Variants in SGCD observed in about 807,000 individuals in gnomAD.
SGCD encodes sarcoglycan delta, also known as delta-sarcoglycan.
A neutral mutation model predicts 36.6 loss-of-function variants in SGCD; 18 were observed. That is an observed-to-expected ratio of 0.49 (90% CI 0.34 to 0.73). The LOEUF is 0.73. SGCD is among the 30% of genes least tolerant of loss of function. The pLI is 0.01. For synonymous variants in SGCD, 133 were observed against 130.6 expected, an observed-to-expected ratio of 1.02 and a Z score of -0.12; for missense variants, 387 against 346.7, an observed-to-expected ratio of 1.12 and a Z score of -0.92.
chr5:155,892,592 A>G (rs543435101), intron 1 of SGCD, among the ~76,000 whole-genome samples: 159 of 152,026 alleles, frequency 1.0e-3, no homozygotes, highest in African/African-American at 3.7e-3. Flanking sequence ...TGCAGATCTT[A>G]TAGTACTTCA....
chr5:156,239,399 CAAAAAAA>C (rs34839655), intron 3 of SGCD, among the ~76,000 whole-genome samples: 1 of 72,626 alleles, frequency 1.4e-5, no homozygotes, highest in South Asian at 5.7e-4. Context: ...GATTTCATCT[CAAAAAAA>C]AAAAAAAAAA....
At chr5:155,744,374 C>T in the SGCD span, among the ~76,000 whole-genome samples, 1 of 152,030 alleles carries the variant, frequency 6.6e-6, no homozygotes, top group Non-Finnish European at 1.5e-5. Flanking sequence ...GCAGGAGAAT[C>T]GCTTGAACCT....
chr5:155,794,998 G>A, the SGCD span, among the ~76,000 whole-genome samples: 1 of 152,104 alleles, frequency 6.6e-6, no homozygotes. Flanking sequence ...ACTGACAGCT[G>A]ACATGCTAGC....
the SGCD span, among the ~76,000 whole-genome samples, chr5:155,732,941 A>G: frequency 1.1e-4 from 17 of 152,166 alleles, no homozygotes; most frequent in African/African-American, 3.9e-4. Context: ...CAAGGAAACA[A>G]GCAGGTCCAC....
At chr5:156,045,080 T>A (rs1327172660) in intron 1 of SGCD, among the ~76,000 whole-genome samples, 3 of 152,126 alleles carry the variant, frequency 2.0e-5, no homozygotes, top group Non-Finnish European at 4.4e-5. Flanking sequence ...AAGTGAACAT[T>A]TGAGACAGAA....
intron 3 of SGCD, among the ~76,000 whole-genome samples, chr5:156,316,125 T>C (rs1468689705): frequency 6.6e-6 from 1 of 151,834 alleles, no homozygotes; most frequent in African/African-American, 2.4e-5. Flanking sequence ...TTTCATAAAG[T>C]TATAGGATGC....
chr5:156,146,648 A>C (rs575569487), intron 3 of SGCD, among the ~76,000 whole-genome samples: 69 of 152,332 alleles, frequency 4.5e-4, no homozygotes, highest in African/African-American at 1.6e-3. Flanking sequence ...TTTTGCAAAT[A>C]AGCTAAATTC....
intron 7 of SGCD, among the ~76,000 whole-genome samples, chr5:156,716,794 T>C (rs1280828106): frequency 6.6e-6 from 1 of 152,190 alleles, no homozygotes; most frequent in Non-Finnish European, 1.5e-5. Context: ...GCCCATCCCC[T>C]GTAAAGGACT....
At chr5:156,421,051 T>A (rs1030089262) in intron 3 of SGCD, among the ~76,000 whole-genome samples, 7 of 152,084 alleles carry the variant, frequency 4.6e-5, no homozygotes, top group Non-Finnish European at 8.8e-5. Flanking sequence ...AATGCTTATT[T>A]AGCAGAGCCT....
the SGCD span, among the ~76,000 whole-genome samples, chr5:155,792,028 C>T: frequency 6.6e-6 from 1 of 152,118 alleles, no homozygotes; most frequent in Non-Finnish European, 1.5e-5. Flanking sequence ...CTATAATAAC[C>T]AAAACAACAT....
chr5:156,447,074 G>T (rs1753782857), intron 3 of SGCD, among the ~76,000 whole-genome samples: 1 of 152,146 alleles, frequency 6.6e-6, no homozygotes, highest in Admixed American at 6.5e-5. Flanking sequence ...AGGATTCTAA[G>T]GATGGGATAA....
intron 6 of SGCD, among the ~76,000 whole-genome samples, chr5:156,620,547 G>C (rs1762203911): frequency 6.6e-6 from 1 of 152,198 alleles, no homozygotes; most frequent in Non-Finnish European, 1.5e-5. Context: ...GAAGAGATCA[G>C]GACTACAGAG....
intron 1 of SGCD, among the ~76,000 whole-genome samples, chr5:156,070,365 C>G (rs1352506026): frequency 1.3e-5 from 2 of 151,284 alleles, no homozygotes; most frequent in African/African-American, 2.5e-5. Context: ...TGTCAAAGGC[C>G]TTTTCTGCAT....
chr5:156,606,131 C>G (rs1036876362), intron 6 of SGCD, among the ~76,000 whole-genome samples: 1 of 152,080 alleles, frequency 6.6e-6, no homozygotes, highest in African/African-American at 2.4e-5. Context: ...ATGCCTATGT[C>G]CTGAATGGTA....
At chr5:156,567,406 A>G (rs1284398113) in intron 4 of SGCD, among the ~76,000 whole-genome samples, 1 of 147,672 alleles carries the variant, frequency 6.8e-6, no homozygotes, top group Non-Finnish European at 1.5e-5. Flanking sequence ...AGATAGATAG[A>G]TAGATAGATA....
chr5:156,575,229 G>A (rs1364266905), intron 4 of SGCD, among the ~76,000 whole-genome samples: 2 of 152,136 alleles, frequency 1.3e-5, no homozygotes, highest in African/African-American at 4.8e-5. Flanking sequence ...CTTTAATATT[G>A]GAATGTGATT....
At chr5:155,910,801 T>C (rs1281868432) in intron 1 of SGCD, among the ~76,000 whole-genome samples, 4 of 152,114 alleles carry the variant, frequency 2.6e-5, no homozygotes, top group Admixed American at 6.6e-5. Context: ...GGAGAGTGCA[T>C]TGTCAAAGTG....
the SGCD span, among the ~76,000 whole-genome samples, chr5:155,810,795 CTTTTTTTTTTTTTTTTTTTTTTTTTTTT>C: frequency 2.5e-4 from 9 of 35,334 alleles, no homozygotes; most frequent in Admixed American, 1.5e-3. Flanking sequence ...TTAGTGTCTG[CTTTTTTTTTTTTTTTTTTTTTTTTTTTT>C]TTTTTTTTTT....
chr5:155,889,404 G>A (rs554521826), intron 1 of SGCD, among the ~76,000 whole-genome samples: 5 of 152,092 alleles, frequency 3.3e-5, no homozygotes, highest in African/African-American at 4.8e-5. Context: ...GAAGTTTGGG[G>A]CTCCACACAA....
Sources: gnomAD v4.1 joint callset for allele counts (sites outside exome capture counted in the v4.1 genomes callset) on GRCh38, gnomAD v4.1.1 for gene constraint, MANE v1.5 for transcripts, NCBI Gene and HGNC (gene_info 2026-07-23, HGNC 2026-07-21) for gene names.